The following JAK1 variants were observed in gnomAD, a reference collection of about 807,000 sequenced individuals.
The protein encoded by JAK1 is Janus kinase 1.
Under a neutral mutation model 136.6 loss-of-function variants are expected in JAK1, and 16 were observed. The observed-to-expected ratio is 0.12, with a 90% CI of 0.08 to 0.18. JAK1 has a LOEUF of 0.18. Ranked by LOEUF, JAK1 falls within the 10% of genes least tolerant of loss-of-function variation. The pLI is 1.00. For synonymous variants in JAK1, 492 were observed against 519.5 expected (o/e 0.95, Z 0.72); for missense variants, 859 against 1,450.1 (o/e 0.59, Z 6.62).
chr1:64,946,017 A>G (rs1645979359), intron 1 of JAK1, among the ~76,000 whole-genome samples: 1 of 152,208 alleles, frequency 6.6e-6, no homozygotes, highest in Admixed American at 6.5e-5. Flanking sequence ...GATTACAGGC[A>G]TGAGCCACGG....
intron 1 of JAK1, among the ~76,000 whole-genome samples, chr1:64,896,103 T>C (rs894229359): frequency 6.6e-6 from 1 of 152,236 alleles, no homozygotes; most frequent in African/African-American, 2.4e-5. Flanking sequence ...TATCAATGAA[T>C]TGAAAACGGT....
At chr1:64,861,963 C>T (rs1051358049) in intron 8 of JAK1, among the ~76,000 whole-genome samples, 3 of 152,238 alleles carry the variant, frequency 2.0e-5, no homozygotes, top group Non-Finnish European at 4.4e-5. Context: ...ACCACATCTG[C>T]ACTTACATTT....
intron 2 of JAK1, among the ~76,000 whole-genome samples, chr1:64,994,365 G>T (rs17127189): frequency 0.069 from 10,564 of 152,242 alleles, 757 homozygotes; most frequent in East Asian, 0.27. Context: ...TAATGAGCCC[G>T]GAAGGAACAT....
At chr1:64,928,778 C>CAAAAAAAAAAAAAAA (rs1183218798) in intron 1 of JAK1, among the ~76,000 whole-genome samples, 20 of 61,144 alleles carry the variant, frequency 3.3e-4, no homozygotes, top group African/African-American at 4.6e-4. Context: ...TAAAACTCTG[C>CAAAAAAAAAAAAAAA]AAAAAAAAAA....
At chr1:64,937,473 T>C (rs1645810091) in intron 1 of JAK1, among the ~76,000 whole-genome samples, 1 of 152,218 alleles carries the variant, frequency 6.6e-6, no homozygotes, top group South Asian at 2.1e-4. Context: ...CTTTTACCTT[T>C]GCTAATTTTT....
chr1:64,839,848 G>A (rs1370033149), intron 19 of JAK1, 53 bp from the exon 20 acceptor site: 69 of 1,444,804 alleles, frequency 4.8e-5, no homozygotes, highest in South Asian at 3.7e-4. Context: ...CGTAGGCCAC[G>A]GAACACACAG....
At position 64,878,561 on chromosome 1, in the gene JAK1, G is replaced by GTATATATA. The variant is rs56881589; in HGVS notation, c.329+456_329+463dup. 6.3e-4 allele frequency among the ~76,000 whole-genome samples: 76 copies of GTATATATA among 119,926 alleles called. 1 individual carries two copies. Among genetic ancestry groups the GTATATATA allele is most frequent in the Middle Eastern group, 5.4e-3 (1 of 186 alleles). The allele number at this position is 119,926 out of a possible 152,430, so 78.7% of individuals were successfully genotyped here. A position where few individuals can be genotyped will look rare whatever the true frequency, so the allele number is the denominator to read the frequency against. Reference sequence around the variant, plus strand: ...ATCATGACCTTTATATATATAGTGTGTATATATATATATATATATATATAT... The same window carrying GTATATATA: ...ATCATGACCTTTATATATATAGTGTGTATATATATATATATATATATATATATATATAT... On this transcript the variant is annotated intron_variant, in intron 4 of 24. Coordinates refer to ENST00000342505, the MANE Select transcript of JAK1 (RefSeq NM_002227.4).
In JAK1 at chr1:65,000,230, G is replaced by A. The variant is rs140634275; in HGVS notation, c.-78+44250C>T. On this transcript the variant is annotated intron_variant, in intron 2 of 25. Coordinates refer to the JAK1 transcript ENST00000671954. ...TCTTGATCTTCTGACCTCATGATCC[G>A]CCCGCCTTGGCCATCGTAAGTCTTA... 9.0e-3 allele frequency among the ~76,000 whole-genome samples: 1,363 copies of A among 152,026 alleles called. 25 individuals are homozygous for A. Among genetic ancestry groups the A allele is most frequent in the African/African-American group, 0.031 (1,275 of 41,474 alleles).
chr1:64,982,378 C>T (rs1353743213), intron 2 of JAK1, among the ~76,000 whole-genome samples: 1 of 152,172 alleles, frequency 6.6e-6, no homozygotes, highest in Non-Finnish European at 1.5e-5. Flanking sequence ...CCCAACATCA[C>T]ACAGCAGCAG....
intron 2 of JAK1, among the ~76,000 whole-genome samples, chr1:65,023,735 G>A (rs1375484457): frequency 5.3e-5 from 8 of 151,904 alleles, no homozygotes; most frequent in African/African-American, 1.2e-4. Flanking sequence ...CACACACCTC[G>A]GCCTCCCAAA....
chr1:64,974,889 T>G (rs1267081263), intron 2 of JAK1, among the ~76,000 whole-genome samples: 1 of 151,914 alleles, frequency 6.6e-6, no homozygotes, highest in African/African-American at 2.4e-5. Context: ...TTGTTTTTGT[T>G]TGTTTGTTTT....
At chr1:64,973,403 A>G (rs1428135685) in intron 2 of JAK1, among the ~76,000 whole-genome samples, 1 of 151,886 alleles carries the variant, frequency 6.6e-6, no homozygotes, top group Non-Finnish European at 1.5e-5. Context: ...AGGAATATAA[A>G]TATTGGGGAG....
At chr1:64,942,917 G>A (rs12033591) in intron 1 of JAK1, among the ~76,000 whole-genome samples, 148,603 of 152,270 alleles carry the variant, frequency 0.98, 72,584 homozygotes, top group East Asian at 1. Flanking sequence ...AATGAATTGC[G>A]TCATGTGAAA....
At chr1:64,911,068 G>T (rs780285868) in intron 1 of JAK1, among the ~76,000 whole-genome samples, 1 of 119,420 alleles carries the variant, frequency 8.4e-6, no homozygotes, top group African/African-American at 3.0e-5. Context: ...TGATAAACAA[G>T]AAAATTATTC....
intron 7 of JAK1, 38 bp downstream of exon 7, chr1:64,866,828 G>A (rs1294317930): frequency 6.8e-7 from 1 of 1,464,740 alleles, no homozygotes; most frequent in Admixed American, 1.7e-5. Context: ...ATGTGACACG[G>A]GAATGTTCTC....
intron 1 of JAK1, among the ~76,000 whole-genome samples, chr1:64,901,800 T>G (rs1477572629): frequency 6.6e-6 from 1 of 152,120 alleles, no homozygotes; most frequent in Non-Finnish European, 1.5e-5. Flanking sequence ...CTCTCCATTC[T>G]CCCCTATCGC....
intron 2 of JAK1, among the ~76,000 whole-genome samples, chr1:65,015,739 C>T (rs1244071323): frequency 1.3e-5 from 2 of 151,918 alleles, no homozygotes; most frequent in Non-Finnish European, 2.9e-5. Flanking sequence ...TAATAGTACA[C>T]AAAATAGACT....
intron 1 of JAK1, among the ~76,000 whole-genome samples, chr1:64,922,643 C>A (rs551772440): frequency 6.6e-6 from 1 of 152,248 alleles, no homozygotes; most frequent in South Asian, 2.1e-4. Flanking sequence ...TCTAACCATA[C>A]CTCATTTAAA....
chr1:64,952,504 CT>C (rs1186451502), intron 1 of JAK1, among the ~76,000 whole-genome samples: 1 of 152,112 alleles, frequency 6.6e-6, no homozygotes, highest in Non-Finnish European at 1.5e-5. Flanking sequence ...TAACACCTGG[CT>C]GGGTTTATGA....
Sources: allele counts gnomAD v4.1 joint callset (sites outside exome capture counted in the v4.1 genomes callset), GRCh38; gene constraint gnomAD v4.1.1; transcripts MANE v1.5; gene names NCBI Gene and HGNC (gene_info 2026-07-23, HGNC 2026-07-21).